Variants in MECR observed in about 807,000 individuals in gnomAD.
The protein encoded by MECR is enoyl-[acyl-carrier-protein] reductase, mitochondrial.
In MECR, 37 loss-of-function variants were observed where a neutral mutation model predicts 49.1. That is an observed-to-expected ratio of 0.75 (90% CI 0.58 to 0.99). The LOEUF (loss-of-function observed/expected upper bound fraction) is 0.99. MECR is among the 50% of genes least tolerant of loss of function. The pLI, the probability that MECR is intolerant of heterozygous loss-of-function variation, is 0.00. For synonymous variants in MECR, 198 were observed against 191.1 expected (o/e 1.04, Z -0.30); for missense variants, 470 against 479.6 (o/e 0.98, Z 0.19).
At chr1:29,184,423 G>A in the MECR span, among the ~76,000 whole-genome samples, 1 of 151,912 alleles carries the variant, frequency 6.6e-6, no homozygotes, top group African/African-American at 2.4e-5. Context: ...GTGAGGTGGC[G>A]TGAGCCACCG....
chr1:29,172,078 C>T, the MECR span: 1 of 151,850 alleles, frequency 6.6e-6, no homozygotes, highest in South Asian at 2.1e-4. Context: ...ATTAAATTCC[C>T]CATATATTGG....
the MECR span, among the ~76,000 whole-genome samples, chr1:29,177,759 G>A: frequency 7.9e-5 from 12 of 152,066 alleles, no homozygotes; most frequent in Admixed American, 2.0e-4. Flanking sequence ...GTAATAAAAC[G>A]GTAGGCAATG....
rs987200539 is a variant in MECR at position 29,193,869 on chromosome 1, G to A, written c.*153C>T. On this transcript the variant is annotated 3_prime_UTR_variant, in exon 10 of 10. Transcript: ENST00000263702. ...TTAGATACCTTAAGGCTGGCCCTGG[G>A]GAAAACCGTGGCTGGCTTCACCATC... 33 of 886,744 alleles carry A rather than the reference G, an allele frequency of 3.7e-5. No homozygotes were observed. In the African/African-American group the frequency reaches 4.5e-4, roughly 12 times the overall value. 54.9% of individuals were successfully genotyped at this position (886,744 alleles called of 1,614,324 possible).
chr1:29,209,732 C>T (rs1008116433), intron 3 of MECR, among the ~76,000 whole-genome samples: 2 of 152,178 alleles, frequency 1.3e-5, no homozygotes, highest in Non-Finnish European at 2.9e-5. Context: ...GCCTTGGTTC[C>T]ACAGTGTCCT....
downstream of MECR, among the ~76,000 whole-genome samples, chr1:29,192,551 T>C (rs1210485924): frequency 6.6e-6 from 1 of 152,144 alleles, no homozygotes; most frequent in Non-Finnish European, 1.5e-5. Context: ...CTTCTTTCAT[T>C]GGTATCCTTA....
At chr1:29,173,668 C>CA in the MECR span, among the ~76,000 whole-genome samples, 3 of 147,984 alleles carry the variant, frequency 2.0e-5, no homozygotes, top group Non-Finnish European at 4.5e-5. Context: ...AGGCTGGTCT[C>CA]AAACTCCTGA....
intron 3 of MECR, among the ~76,000 whole-genome samples, chr1:29,211,010 C>A (rs1022006016): frequency 6.6e-6 from 1 of 152,160 alleles, no homozygotes; most frequent in African/African-American, 2.4e-5. Flanking sequence ...TTAACCATCT[C>A]CATTGTTGAA....
chr1:29,173,740 G>A, the MECR span, among the ~76,000 whole-genome samples: 4 of 151,240 alleles, frequency 2.6e-5, no homozygotes, highest in Admixed American at 1.3e-4. Context: ...GTGAGCCACC[G>A]CACCTGGTCC....
intron 2 of MECR, 126 bp downstream of exon 2, chr1:29,216,462 C>T (rs1177409461): frequency 4.8e-5 from 48 of 998,540 alleles, no homozygotes; most frequent in East Asian, 1.7e-4. Context: ...AGCCTGCAGA[C>T]GGCTCATCTG....
At chr1:29,187,833 G>A (rs544702370), downstream of MECR, among the ~76,000 whole-genome samples, 60 of 150,380 alleles carry the variant, frequency 4.0e-4, no homozygotes, top group Non-Finnish European at 5.9e-4. Context: ...TCAGGAGATC[G>A]AGACCATCCT....
the MECR span, among the ~76,000 whole-genome samples, chr1:29,186,872 ATC>A: frequency 1.3e-5 from 2 of 152,370 alleles, no homozygotes; most frequent in Admixed American, 1.3e-4. Context: ...CTCACTTCAC[ATC>A]TCTGGGAGGC....
At chr1:29,217,792 T>C (rs963796042) in intron 1 of MECR, among the ~76,000 whole-genome samples, 1 of 152,186 alleles carries the variant, frequency 6.6e-6, no homozygotes, top group Non-Finnish European at 1.5e-5. Context: ...GAGGAGATAT[T>C]TCTGTTAGTT....
At chr1:29,217,385 A>G (rs1025290637) in intron 1 of MECR, among the ~76,000 whole-genome samples, 3 of 151,156 alleles carry the variant, frequency 2.0e-5, no homozygotes, top group African/African-American at 7.3e-5. Context: ...AATTTTATTT[A>G]TTTATTTTTT....
chr1:29,211,565 G>A (rs1678027096), intron 3 of MECR, among the ~76,000 whole-genome samples: 1 of 152,198 alleles, frequency 6.6e-6, no homozygotes, highest in Admixed American at 6.6e-5. Context: ...CATTTGCAAA[G>A]ATCATTGCAT....
chr1:29,204,436 A>G (rs1030512659), intron 4 of MECR, among the ~76,000 whole-genome samples: 1 of 152,118 alleles, frequency 6.6e-6, no homozygotes, highest in Non-Finnish European at 1.5e-5. Context: ...TTATGAATCA[A>G]TCTAGTTGGT....
intron 3 of MECR, among the ~76,000 whole-genome samples, chr1:29,208,565 C>G (rs1466394283): frequency 1.3e-5 from 2 of 152,174 alleles, no homozygotes; most frequent in African/African-American, 4.8e-5. Flanking sequence ...CAAAAGAATT[C>G]TAGAATGTCA....
At chr1:29,198,813 C>T (rs1337356085) in intron 7 of MECR, among the ~76,000 whole-genome samples, 1 of 152,210 alleles carries the variant, frequency 6.6e-6, no homozygotes, top group Admixed American at 6.5e-5. Flanking sequence ...GACGAGGTTT[C>T]ACCATGTTGG....
intron 7 of MECR, among the ~76,000 whole-genome samples, chr1:29,199,097 G>C (rs1377897658): frequency 1.3e-5 from 2 of 152,272 alleles, no homozygotes; most frequent in Non-Finnish European, 2.9e-5. Context: ...GGGCACATCA[G>C]TGTCGCAGCC....
At chr1:29,194,279 C>G (rs1428072136) in intron 9 of MECR, 100 bp from the exon 10 acceptor site, 1 of 1,331,706 alleles carries the variant, frequency 7.5e-7, no homozygotes, top group Non-Finnish European at 1.0e-6. Flanking sequence ...CACCAAGCTC[C>G]AATAAAGCCT....
Sources: gnomAD v4.1 joint callset for allele counts (sites outside exome capture counted in the v4.1 genomes callset) on GRCh38, gnomAD v4.1.1 for gene constraint, MANE v1.5 for transcripts, NCBI Gene and HGNC (gene_info 2026-07-23, HGNC 2026-07-21) for gene names.